The following MAML3 variants were observed in gnomAD, a reference collection of about 807,000 sequenced individuals.
The protein encoded by MAML3 is mastermind-like protein 3.
MAML3 carries 27 observed loss-of-function variants against 101.9 expected under a neutral mutation model. The ratio of observed to expected loss-of-function variants is 0.27; its 90% confidence interval spans 0.20 to 0.37. The LOEUF (loss-of-function observed/expected upper bound fraction) is 0.37. MAML3 is among the 10% of genes least tolerant of loss of function. The pLI, the probability that MAML3 is intolerant of heterozygous loss-of-function variation, is 1.00. For synonymous variants in MAML3, 501 were observed against 555.9 expected (o/e 0.90, Z 1.39); for missense variants, 1,316 against 1,444.9 (o/e 0.91, Z 1.45).
intron 1 of MAML3, among the ~76,000 whole-genome samples, chr4:140,105,025 G>A (rs1462022774): frequency 6.6e-6 from 1 of 152,046 alleles, no homozygotes; most frequent in African/African-American, 2.4e-5. Context: ...TATGTAAGCA[G>A]TAAAAGAAAG....
At chr4:140,018,972 C>G (rs1726691127) in intron 1 of MAML3, among the ~76,000 whole-genome samples, 1 of 151,704 alleles carries the variant, frequency 6.6e-6, no homozygotes, top group South Asian at 2.1e-4. Flanking sequence ...CCTCTCAATT[C>G]AAATTGCTAA....
intron 1 of MAML3, among the ~76,000 whole-genome samples, chr4:140,143,676 G>A (rs1056368482): frequency 3.9e-5 from 6 of 152,128 alleles, no homozygotes; most frequent in Non-Finnish European, 8.8e-5. Context: ...CAGGAGAATC[G>A]CTTCAACCCA....
intron 1 of MAML3, among the ~76,000 whole-genome samples, chr4:140,125,478 T>C (rs1728668880): frequency 6.6e-6 from 1 of 152,226 alleles, no homozygotes; most frequent in South Asian, 2.1e-4. Context: ...TTTAAAAATG[T>C]ATTGGTCATC....
intron 2 of MAML3, among the ~76,000 whole-genome samples, chr4:139,793,534 C>T (rs953014288): frequency 2.0e-5 from 3 of 152,178 alleles, no homozygotes; most frequent in African/African-American, 4.8e-5. Context: ...CGACTCATTT[C>T]AGTGGTGGCA....
At chr4:140,143,304 T>G (rs1729005434) in intron 1 of MAML3, among the ~76,000 whole-genome samples, 1 of 152,150 alleles carries the variant, frequency 6.6e-6, no homozygotes, top group Non-Finnish European at 1.5e-5. Context: ...ACGAGTGAAA[T>G]AAGCCTCAAA....
At chr4:140,049,227 TCTTC>T (rs1727229428) in intron 1 of MAML3, among the ~76,000 whole-genome samples, 1 of 152,162 alleles carries the variant, frequency 6.6e-6, no homozygotes, top group Non-Finnish European at 1.5e-5. Context: ...CTTTCTTCCC[TCTTC>T]CTCCTACCAT....
chr4:139,943,787 G>A (rs568919722), intron 1 of MAML3, among the ~76,000 whole-genome samples: 10 of 150,824 alleles, frequency 6.6e-5, no homozygotes, highest in Middle Eastern at 3.4e-3. Context: ...CTGATAACAC[G>A]ATCTGTTGAT....
chr4:140,083,248 C>A (rs1030733663), intron 1 of MAML3, among the ~76,000 whole-genome samples: 2 of 152,184 alleles, frequency 1.3e-5, no homozygotes, highest in Non-Finnish European at 2.9e-5. Flanking sequence ...ATCTTTGTGG[C>A]ATCTGTAAAA....
At chr4:139,946,818 A>G (rs970255449) in intron 1 of MAML3, among the ~76,000 whole-genome samples, 1 of 151,442 alleles carries the variant, frequency 6.6e-6, no homozygotes, top group Non-Finnish European at 1.5e-5. Context: ...TTCTAAAACT[A>G]CCTTATATCA....
intron 2 of MAML3, among the ~76,000 whole-genome samples, chr4:139,808,944 A>C (rs1292058072): frequency 1.3e-5 from 2 of 151,918 alleles, no homozygotes; most frequent in Non-Finnish European, 2.9e-5. Flanking sequence ...GTGAGTGTGC[A>C]TGTGTGTGTG....
intron 2 of MAML3, among the ~76,000 whole-genome samples, chr4:139,819,026 T>C (rs1453685114): frequency 1.3e-5 from 2 of 152,038 alleles, no homozygotes; most frequent in African/African-American, 2.4e-5. Context: ...CGCACGCAAA[T>C]GAATAATGAT....
chr4:140,140,683 CAT>C (rs1318648741), intron 1 of MAML3, among the ~76,000 whole-genome samples: 5 of 152,194 alleles, frequency 3.3e-5, no homozygotes, highest in Admixed American at 1.3e-4. Flanking sequence ...TAGAGAATGA[CAT>C]ATAAAGTTTA....
intron 2 of MAML3, among the ~76,000 whole-genome samples, chr4:139,739,562 T>C (rs1729080958): frequency 6.6e-6 from 1 of 152,124 alleles, no homozygotes; most frequent in Non-Finnish European, 1.5e-5. Flanking sequence ...AAATAAATTA[T>C]GGTACATCCA....
intron 2 of MAML3, among the ~76,000 whole-genome samples, chr4:139,753,687 T>C (rs561426729): frequency 6.6e-6 from 1 of 152,338 alleles, no homozygotes; most frequent in South Asian, 2.1e-4. Context: ...TTAATAAGTT[T>C]ACAAGGCTAC....
At chr4:139,724,639 C>T (rs566980171) in intron 4 of MAML3, among the ~76,000 whole-genome samples, 1 of 152,176 alleles carries the variant, frequency 6.6e-6, no homozygotes, top group East Asian at 1.9e-4. Context: ...TGATCTAGAT[C>T]CCACAAAATG....
At position 139,816,936 on chromosome 4, in the gene MAML3, T is replaced by C. The variant is rs141003488; in HGVS notation, c.2079+72421A>G. Among the ~76,000 whole-genome samples, 253 of 152,296 alleles carry C rather than the reference T, an allele frequency of 1.7e-3. 2 individuals are homozygous for C. Among genetic ancestry groups the C allele is most frequent in the Middle Eastern group, 0.014 (4 of 292 alleles). On this transcript the variant is annotated intron_variant, in intron 2 of 4. Transcript: ENST00000509479. ...GCTAGTCATTCCTAAATGCTAACTT[T>C]ATATTACAATTAGAAAGAATGAGAG...
At chr4:139,764,075 AAAAT>A (rs1729806617) in intron 2 of MAML3, among the ~76,000 whole-genome samples, 1 of 152,228 alleles carries the variant, frequency 6.6e-6, no homozygotes, top group Non-Finnish European at 1.5e-5. Flanking sequence ...CCACTTTTCA[AAAAT>A]AAATAGCTTT....
intron 1 of MAML3, among the ~76,000 whole-genome samples, chr4:139,985,335 C>T (rs1004595562): frequency 6.6e-6 from 1 of 152,176 alleles, no homozygotes; most frequent in African/African-American, 2.4e-5. Flanking sequence ...GAAGGAAAAC[C>T]TGATCATGAC....
intron 1 of MAML3, among the ~76,000 whole-genome samples, chr4:140,001,376 C>T (rs1240017800): frequency 6.6e-6 from 1 of 152,164 alleles, no homozygotes; most frequent in Non-Finnish European, 1.5e-5. Flanking sequence ...AGGTAGGGAG[C>T]AGGTATTATA....
Sources: gnomAD v4.1 joint callset for allele counts (sites outside exome capture counted in the v4.1 genomes callset) on GRCh38, gnomAD v4.1.1 for gene constraint, MANE v1.5 for transcripts, NCBI Gene and HGNC (gene_info 2026-07-23, HGNC 2026-07-21) for gene names.